The following TMCO6 variants were observed in gnomAD, a reference collection of about 807,000 sequenced individuals.
TMCO6 encodes transmembrane and coiled-coil domain-containing protein 6.
In TMCO6, 47 loss-of-function variants were observed where a neutral mutation model predicts 61.8. The observed-to-expected ratio is 0.76, with a 90% CI of 0.60 to 0.97. TMCO6 has a LOEUF of 0.97. Ranked by LOEUF, TMCO6 falls within the 50% of genes least tolerant of loss-of-function variation. The pLI is 0.00. For missense variants in TMCO6, 557 were observed against 601.6 expected (o/e 0.93, Z 0.78); for synonymous variants, 261 against 254.2 (o/e 1.03, Z -0.25).
At chr5:140,626,133 T>C in the TMCO6 span, among the ~76,000 whole-genome samples, 2 of 152,268 alleles carry the variant, frequency 1.3e-5, no homozygotes, top group East Asian at 1.9e-4. Context: ...CAAATTCTTA[T>C]AGCCAGGCCA....
chr5:140,642,090 G>A (rs1163253248), intron 4 of TMCO6, 37 bp downstream of exon 4: 1 of 1,579,400 alleles, frequency 6.3e-7, no homozygotes, highest in Non-Finnish European at 8.6e-7. Flanking sequence ...TCTTGGTTTA[G>A]ATTTTAAAAT....
the TMCO6 span, among the ~76,000 whole-genome samples, chr5:140,622,850 T>C: frequency 5.9e-5 from 9 of 152,238 alleles, 1 homozygote; most frequent in East Asian, 1.7e-3. Context: ...AATTTCTGGC[T>C]TTCTGTATGA....
the TMCO6 span, among the ~76,000 whole-genome samples, chr5:140,616,390 C>T: frequency 2.0e-5 from 3 of 151,774 alleles, no homozygotes; most frequent in Non-Finnish European, 4.4e-5. Flanking sequence ...TAAACCATAT[C>T]TCTACAAAAA....
chr5:140,603,367 A>G, the TMCO6 span, among the ~76,000 whole-genome samples: 2 of 151,934 alleles, frequency 1.3e-5, no homozygotes, highest in Admixed American at 1.3e-4. Context: ...GAGTGCAGTG[A>G]CGTGATCTTG....
the TMCO6 span, among the ~76,000 whole-genome samples, chr5:140,628,137 T>C: frequency 3.3e-5 from 5 of 150,964 alleles, no homozygotes; most frequent in South Asian, 8.4e-4. Context: ...GCCTCTGGAG[T>C]AGCTGGGATT....
chr5:140,628,107 C>G, the TMCO6 span, among the ~76,000 whole-genome samples: 1 of 151,098 alleles, frequency 6.6e-6, no homozygotes, highest in South Asian at 2.1e-4. Context: ...CTCCCAGATT[C>G]AAGTGATTCT....
chr5:140,613,917 G>GTTGTTGTTGTTGTTGTTTTGTTGTTGT, the TMCO6 span, among the ~76,000 whole-genome samples: 1 of 148,386 alleles, frequency 6.7e-6, no homozygotes, highest in East Asian at 2.0e-4. Context: ...TTGTTGTTTT[G>GTTGTTGTTGTTGTTGTTTTGTTGTTGT]AGAAGGAGTC....
the TMCO6 span, among the ~76,000 whole-genome samples, chr5:140,618,994 T>G: frequency 6.6e-6 from 1 of 151,834 alleles, no homozygotes; most frequent in Non-Finnish European, 1.5e-5. Context: ...ATTTAAAAAG[T>G]CTCCTCTATG....
In TMCO6 at chr5:140,645,270, G is replaced by T; in HGVS notation, c.*172G>T. ...CCTTCCACTCAGCACTATCCAGGCA[G>T]GAGGACCAAAAGGGACTCAGTGTGG... On this transcript the variant is annotated 3_prime_UTR_variant, in exon 12 of 12. Transcript: ENST00000394671. The T allele has an allele frequency of 1.3e-6, 1 of 741,778 alleles. No individual in the cohort carries two copies. Among genetic ancestry groups the T allele is most frequent in the Non-Finnish European group, 2.3e-6 (1 of 443,002 alleles). 45.9% of individuals were successfully genotyped at this position (741,778 alleles called of 1,614,324 possible).
chr5:140,629,443 T>C, the TMCO6 span, among the ~76,000 whole-genome samples: 2 of 152,364 alleles, frequency 1.3e-5, no homozygotes, highest in African/African-American at 4.8e-5. Flanking sequence ...ATAGTTGTTA[T>C]ACTATATTGT....
chr5:140,599,734 C>A, the TMCO6 span, among the ~76,000 whole-genome samples: 1 of 152,100 alleles, frequency 6.6e-6, no homozygotes, highest in African/African-American at 2.4e-5. Flanking sequence ...AACCCCATCT[C>A]TACTAAAAAT....
At chr5:140,602,539 G>A in the TMCO6 span, among the ~76,000 whole-genome samples, 1 of 152,078 alleles carries the variant, frequency 6.6e-6, no homozygotes, top group Non-Finnish European at 1.5e-5. Flanking sequence ...TGAGGCACGT[G>A]GATCACTTGA....
upstream of TMCO6, chr5:140,639,343 C>G (rs1185993225): frequency 1.1e-5 from 7 of 615,638 alleles, no homozygotes; most frequent in East Asian, 1.4e-4. Context: ...AGCCCTCGCC[C>G]CGCCCACCGT....
the TMCO6 span, among the ~76,000 whole-genome samples, chr5:140,610,390 G>T: frequency 6.6e-6 from 1 of 151,942 alleles, no homozygotes; most frequent in Non-Finnish European, 1.5e-5. Context: ...TAGGAACAAT[G>T]GTCTCCTTGT....
At chr5:140,599,522 G>A in the TMCO6 span, among the ~76,000 whole-genome samples, 1 of 152,182 alleles carries the variant, frequency 6.6e-6, no homozygotes, top group Non-Finnish European at 1.5e-5. Context: ...TTCCAAACAA[G>A]ATGCTGCACA....
At chr5:140,647,595 T>A (rs773615023), downstream of TMCO6, 7 of 1,608,406 alleles carry the variant, frequency 4.4e-6, no homozygotes, top group Non-Finnish European at 5.9e-6. Context: ...CTTGTTAATA[T>A]CGAAGTCGCC....
At chr5:140,647,498 C>G, downstream of TMCO6, 1 of 1,612,506 alleles carries the variant, frequency 6.2e-7, no homozygotes, top group Non-Finnish European at 8.5e-7. Context: ...GCCCTGGCTG[C>G]CGGGCGAGCG....
chr5:140,621,125 A>G, the TMCO6 span, among the ~76,000 whole-genome samples: 4 of 152,134 alleles, frequency 2.6e-5, no homozygotes, highest in Non-Finnish European at 4.4e-5. Context: ...TTAACCCACT[A>G]TTGGACCCAC....
chr5:140,631,919 C>T, the TMCO6 span: 1 of 1,603,798 alleles, frequency 6.2e-7, no homozygotes, highest in South Asian at 1.1e-5. Flanking sequence ...CCGACAGGGT[C>T]GAACGTGCAC....
Sources: gnomAD v4.1 joint callset for allele counts (sites outside exome capture counted in the v4.1 genomes callset) on GRCh38, gnomAD v4.1.1 for gene constraint, MANE v1.5 for transcripts, NCBI Gene and HGNC (gene_info 2026-07-23, HGNC 2026-07-21) for gene names.